Variants in KLRG1 observed in about 807,000 individuals in gnomAD.
KLRG1 encodes the protein killer cell lectin-like receptor subfamily G member 1.
In KLRG1, 16 loss-of-function variants were observed where a neutral mutation model predicts 21.8. The observed-to-expected ratio is 0.73, with a 90% confidence interval of 0.50 to 1.11. The LOEUF is 1.11. KLRG1 is among the 50% of genes most tolerant of loss of function. KLRG1 has a pLI of 0.00. For synonymous variants in KLRG1, 69 were observed against 75.9 expected, an observed-to-expected ratio of 0.91 and a Z score of 0.47; for missense variants, 173 against 218.3, an observed-to-expected ratio of 0.79 and a Z score of 1.31.
chr12:9,013,913 A>T (rs1300264960), downstream of KLRG1, among the ~76,000 whole-genome samples: 3 of 152,158 alleles, frequency 2.0e-5, no homozygotes, highest in African/African-American at 4.8e-5. Context: ...CAAAAATTTA[A>T]CAAAAATAAG....
At chr12:9,078,514 T>A in the KLRG1 span, among the ~76,000 whole-genome samples, 1 of 152,258 alleles carries the variant, frequency 6.6e-6, no homozygotes, top group Admixed American at 6.5e-5. Flanking sequence ...TGTGCATGTG[T>A]CATTATAGTA....
the KLRG1 span, among the ~76,000 whole-genome samples, chr12:9,021,464 G>A: frequency 6.9e-6 from 1 of 144,970 alleles, no homozygotes; most frequent in East Asian, 2.0e-4. Context: ...GCAGTGGCAT[G>A]ATCTCAGCTC....
In KLRG1 at chr12:9,010,032, A is replaced by G. The variant is rs1947597319; in HGVS notation, c.*495A>G. 4.6e-6 allele frequency: 7 copies of G among 1,533,044 alleles called. No homozygotes were observed. In the East Asian group the frequency reaches 1.7e-4, roughly 37 times the overall value. The allele number at this position is 1,533,044 out of a possible 1,614,324, so 95.0% of individuals were successfully genotyped here. A position where few individuals can be genotyped will look rare whatever the true frequency, so the allele number is the denominator to read the frequency against. ...TGCAGATCAAGCTTTATTCTGAAGA[A>G]TAAACCTAGCTGGCATGCTGGTGTG... is the stretch of plus-strand genomic sequence containing the variant. On this transcript the variant is annotated 3_prime_UTR_variant, in exon 5 of 5. Coordinates refer to ENST00000356986, the MANE Select transcript of KLRG1 (RefSeq NM_005810.4).
the KLRG1 span, chr12:9,065,151 T>TCCCCCCCCCCCCCCCCCCCCC: frequency 3.8e-5 from 2 of 52,660 alleles, no homozygotes; most frequent in Admixed American, 1.7e-4. Context: ...ATTCCCTTCC[T>TCCCCCCCCCCCCCCCCCCCCC]CCCCCCCCCC....
chr12:9,151,337 G>T, the KLRG1 span, among the ~76,000 whole-genome samples: 7 of 152,114 alleles, frequency 4.6e-5, no homozygotes, highest in African/African-American at 1.7e-4. Context: ...AAAACAACAG[G>T]AATACATGGT....
At chr12:9,149,633 C>T in the KLRG1 span, 69 of 1,606,906 alleles carry the variant, frequency 4.3e-5, no homozygotes, top group Middle Eastern at 1.7e-4. Context: ...AAGGAAGAAA[C>T]GAAAGATCTA....
At chr12:8,950,693 T>G (rs1156505559) in intron 1 of KLRG1, among the ~76,000 whole-genome samples, 1 of 152,060 alleles carries the variant, frequency 6.6e-6, no homozygotes. Flanking sequence ...GTGTTTTGAG[T>G]CTAATAATAA....
At chr12:9,215,541 C>T in the KLRG1 span, among the ~76,000 whole-genome samples, 2 of 151,914 alleles carry the variant, frequency 1.3e-5, no homozygotes, top group East Asian at 3.8e-4. Context: ...GATTTTACAT[C>T]TGTGGGTTGA....
At chr12:9,122,848 T>G in the KLRG1 span, among the ~76,000 whole-genome samples, 1 of 152,256 alleles carries the variant, frequency 6.6e-6, no homozygotes, top group South Asian at 2.1e-4. Flanking sequence ...GCAGTATAAT[T>G]TGAAGGTTAA....
the KLRG1 span, chr12:9,094,956 A>G: frequency 8.2e-6 from 11 of 1,342,312 alleles, no homozygotes; most frequent in Non-Finnish European, 1.0e-5. Flanking sequence ...ATATATATTT[A>G]TTAATTTTTT....
the KLRG1 span, chr12:9,028,990 A>G: frequency 3.3e-6 from 2 of 613,256 alleles, no homozygotes; most frequent in Admixed American, 1.9e-5. Context: ...CATTGCTCAC[A>G]ATGGCTCTTC....
At chr12:8,977,675 T>C (rs1946680684) in intron 1 of KLRG1, among the ~76,000 whole-genome samples, 1 of 150,296 alleles carries the variant, frequency 6.7e-6, no homozygotes, top group African/African-American at 2.5e-5. Flanking sequence ...GCTGTCTTCC[T>C]TTTTTTTATT....
downstream of KLRG1, among the ~76,000 whole-genome samples, chr12:9,015,049 C>T (rs183127748): frequency 2.6e-4 from 40 of 151,800 alleles, no homozygotes; most frequent in African/African-American, 8.2e-4. Context: ...TAAAACATAC[C>T]GCCAGAGGAA....
chr12:9,109,324 C>T, the KLRG1 span: 1 of 1,610,214 alleles, frequency 6.2e-7, no homozygotes, highest in Non-Finnish European at 8.5e-7. Flanking sequence ...AACTCACAGG[C>T]CACACACTGA....
the KLRG1 span, chr12:9,079,908 G>A: frequency 7.8e-7 from 1 of 1,275,702 alleles, no homozygotes; most frequent in East Asian, 2.6e-5. Context: ...CTTAGAAATT[G>A]AGAATTTTTA....
chr12:9,211,606 G>C, the KLRG1 span, among the ~76,000 whole-genome samples: 1 of 151,098 alleles, frequency 6.6e-6, no homozygotes, highest in Non-Finnish European at 1.5e-5. Flanking sequence ...TTGGGGTGGA[G>C]ATTAGTTACT....
the KLRG1 span, among the ~76,000 whole-genome samples, chr12:9,045,312 G>A: frequency 1.0e-2 from 1,518 of 152,214 alleles, 24 homozygotes; most frequent in African/African-American, 0.034. Context: ...GAAGTCTTTA[G>A]AGAAGCCCAA....
At chr12:9,007,301 C>T (rs552526347) in intron 3 of KLRG1, among the ~76,000 whole-genome samples, 10 of 152,182 alleles carry the variant, frequency 6.6e-5, no homozygotes, top group African/African-American at 2.4e-4. Context: ...CACTCCGTCA[C>T]CCAGGCTGGA....
At chr12:9,039,784 A>G in the KLRG1 span, among the ~76,000 whole-genome samples, 10 of 152,230 alleles carry the variant, frequency 6.6e-5, no homozygotes, top group African/African-American at 1.4e-4. Flanking sequence ...TTCTAGAAAA[A>G]TTTGTGCATT....
Sources: gnomAD v4.1 joint callset for allele counts (sites outside exome capture counted in the v4.1 genomes callset) on GRCh38, gnomAD v4.1.1 for gene constraint, MANE v1.5 for transcripts, NCBI Gene and HGNC (gene_info 2026-07-23, HGNC 2026-07-21) for gene names.